Variants in MSH3 observed in about 807,000 individuals in gnomAD.
MSH3 encodes the protein mutS homolog 3.
Under a neutral mutation model 123.3 loss-of-function variants are expected in MSH3, and 106 were observed. The ratio of observed to expected loss-of-function variants is 0.86; its 90% CI spans 0.73 to 1.01. MSH3 has a LOEUF of 1.01. Among genes scored for constraint, MSH3 ranks in the 50% least tolerant of loss-of-function variants. The probability of loss-of-function intolerance (pLI) is 0.00; values close to 1 mark genes in which losing one functional copy is unlikely to be tolerated. For missense variants in MSH3, 1,459 were observed against 1,347.6 expected (o/e 1.08, Z -1.29); for synonymous variants, 515 against 481.4 (o/e 1.07, Z -0.91).
At chr5:80,786,122 C>T (rs949806871) in intron 17 of MSH3, among the ~76,000 whole-genome samples, 2 of 151,308 alleles carry the variant, frequency 1.3e-5, no homozygotes, top group Non-Finnish European at 2.9e-5. Flanking sequence ...TGCACATGTA[C>T]CCTAAAACTT....
At chr5:80,848,794 A>C (rs1402297408) in intron 20 of MSH3, among the ~76,000 whole-genome samples, 1 of 152,196 alleles carries the variant, frequency 6.6e-6, no homozygotes, top group Non-Finnish European at 1.5e-5. Context: ...GTGGGGACAC[A>C]GAGTCAAACC....
chr5:80,682,802 A>C (rs1750000565), intron 8 of MSH3, among the ~76,000 whole-genome samples: 1 of 152,060 alleles, frequency 6.6e-6, no homozygotes, highest in Non-Finnish European at 1.5e-5. Context: ...CTGTTGCACT[A>C]TCAAATGCTA....
At chr5:80,790,459 T>A (rs1326662063) in intron 18 of MSH3, among the ~76,000 whole-genome samples, 1 of 152,212 alleles carries the variant, frequency 6.6e-6, no homozygotes, top group Non-Finnish European at 1.5e-5. Flanking sequence ...CATTTTGGGA[T>A]CTTTAGTGAT....
chr5:80,662,220 C>T (rs1677708), intron 2 of MSH3, among the ~76,000 whole-genome samples: 41,130 of 151,986 alleles, frequency 0.27, 5,768 homozygotes, highest in Middle Eastern at 0.35. Flanking sequence ...GTTTATAACC[C>T]GGGAGCAATA....
chr5:80,771,417 G>T (rs1281315848), intron 15 of MSH3, among the ~76,000 whole-genome samples: 1 of 151,612 alleles, frequency 6.6e-6, no homozygotes, highest in Non-Finnish European at 1.5e-5. Flanking sequence ...GGCTGAAGTT[G>T]CTGTGACCTG....
At chr5:80,801,505 A>G (rs1330157424) in intron 19 of MSH3, among the ~76,000 whole-genome samples, 1 of 152,220 alleles carries the variant, frequency 6.6e-6, no homozygotes, top group Non-Finnish European at 1.5e-5. Context: ...GGTTGAACAC[A>G]TTTAACTTCT....
At chr5:80,857,597 T>A (rs1745940492) in intron 21 of MSH3, among the ~76,000 whole-genome samples, 1 of 152,208 alleles carries the variant, frequency 6.6e-6, no homozygotes, top group Non-Finnish European at 1.5e-5. Context: ...TTTTTTTTCT[T>A]GTGTGAGTTT....
chr5:80,715,999 T>C (rs1282754290), intron 8 of MSH3, among the ~76,000 whole-genome samples: 1 of 152,108 alleles, frequency 6.6e-6, no homozygotes, highest in African/African-American at 2.4e-5. Flanking sequence ...AAGTGCAATG[T>C]CTTCATCTTT....
intron 12 of MSH3, chr5:80,746,661 T>C (rs1743726198): frequency 3.3e-6 from 1 of 307,358 alleles, no homozygotes; most frequent in Non-Finnish European, 6.6e-6. Context: ...AATGACCTTT[T>C]AAAAATATTG....
At chr5:80,750,244 G>T (rs1033914750) in intron 12 of MSH3, among the ~76,000 whole-genome samples, 1 of 151,926 alleles carries the variant, frequency 6.6e-6, no homozygotes, top group Non-Finnish European at 1.5e-5. Context: ...AATTCCTTTG[G>T]ATATATACCC....
At chr5:80,788,879 C>A (rs907529392) in intron 18 of MSH3, among the ~76,000 whole-genome samples, 1 of 151,384 alleles carries the variant, frequency 6.6e-6, no homozygotes, top group Non-Finnish European at 1.5e-5. Context: ...ATGTTTTATT[C>A]TTTCCAGGAG....
intron 20 of MSH3, among the ~76,000 whole-genome samples, chr5:80,842,849 A>G (rs1055337400): frequency 1.3e-5 from 2 of 152,154 alleles, no homozygotes; most frequent in Non-Finnish European, 2.9e-5. Context: ...GTCATCTGCA[A>G]ACAGGGACAA....
intron 8 of MSH3, among the ~76,000 whole-genome samples, chr5:80,721,338 A>C (rs934656431): frequency 6.6e-6 from 1 of 152,190 alleles, no homozygotes; most frequent in African/African-American, 2.4e-5. Flanking sequence ...GTCCTAAAAA[A>C]GTGCTTTGCA....
chr5:80,673,487 C>T (rs1490642661), intron 6 of MSH3, among the ~76,000 whole-genome samples: 2 of 152,266 alleles, frequency 1.3e-5, no homozygotes, highest in East Asian at 1.9e-4. Context: ...CGTGATCATG[C>T]CACTGCATTC....
chr5:80,762,257 T>G (rs1009122181), intron 13 of MSH3, among the ~76,000 whole-genome samples: 1 of 151,978 alleles, frequency 6.6e-6, no homozygotes, highest in Non-Finnish European at 1.5e-5. Context: ...ATTAAAAAAA[T>G]TATTAATATT....
chr5:80,836,137 A>T (rs1002676301), intron 20 of MSH3, among the ~76,000 whole-genome samples: 81 of 152,208 alleles, frequency 5.3e-4, no homozygotes, highest in African/African-American at 1.8e-3. Flanking sequence ...ATCGTAATCT[A>T]TATGGAAGCA....
At chr5:80,844,727 C>CTTT (rs140570977) in intron 20 of MSH3, among the ~76,000 whole-genome samples, 6 of 150,160 alleles carry the variant, frequency 4.0e-5, no homozygotes, top group Admixed American at 1.3e-4. Flanking sequence ...GCAACCCCTG[C>CTTT]TTTTTTTTTG....
chr5:80,674,915 T>A, intron 6 of MSH3, 68 bp from the exon 7 acceptor site: 1 of 1,273,384 alleles, frequency 7.9e-7, no homozygotes, highest in Non-Finnish European at 1.1e-6. Flanking sequence ...ATAGTTAATA[T>A]TATTGGAAAT....
chr5:80,752,782 G>A (rs974384708), intron 12 of MSH3, among the ~76,000 whole-genome samples: 13 of 152,052 alleles, frequency 8.5e-5, no homozygotes, highest in African/African-American at 2.9e-4. Context: ...AAAATAAATT[G>A]TCTGGTTATA....
Sources: allele counts gnomAD v4.1 joint callset (sites outside exome capture counted in the v4.1 genomes callset), GRCh38; gene constraint gnomAD v4.1.1; transcripts MANE v1.5; gene names NCBI Gene and HGNC (gene_info 2026-07-23, HGNC 2026-07-21).